The following IRF2 variants were observed in gnomAD, a reference collection of about 807,000 sequenced individuals.
The protein encoded by IRF2 is interferon regulatory factor 2.
A neutral mutation model predicts 40.6 loss-of-function variants in IRF2; 15 were observed. The observed-to-expected ratio is 0.37, with a 90% CI of 0.25 to 0.57. IRF2 has a LOEUF of 0.57. Ranked by LOEUF, IRF2 falls within the 20% of genes least tolerant of loss-of-function variation. The pLI is 0.77. For missense variants in IRF2, 317 were observed against 455.7 expected (o/e 0.70, Z 2.77); for synonymous variants, 151 against 165.5 (o/e 0.91, Z 0.67).
intron 1 of IRF2, among the ~76,000 whole-genome samples, chr4:184,456,509 G>T (rs966549323): frequency 6.6e-6 from 1 of 152,260 alleles, no homozygotes; most frequent in African/African-American, 2.4e-5. Flanking sequence ...TTTCCCTGAA[G>T]CTGCGAGTTC....
intron 1 of IRF2, among the ~76,000 whole-genome samples, chr4:184,433,204 C>T (rs897358082): frequency 2.0e-5 from 3 of 152,164 alleles, no homozygotes; most frequent in Non-Finnish European, 2.9e-5. Flanking sequence ...TGAAATCCAG[C>T]GCTTCGCCAA....
intron 1 of IRF2, among the ~76,000 whole-genome samples, chr4:184,456,172 C>T (rs1207171806): frequency 6.6e-6 from 1 of 152,186 alleles, no homozygotes; most frequent in Admixed American, 6.5e-5. Flanking sequence ...TCAGACTCAC[C>T]CCCATTAGTT....
At chr4:184,417,059 A>G (rs1737308194) in intron 5 of IRF2, among the ~76,000 whole-genome samples, 1 of 152,168 alleles carries the variant, frequency 6.6e-6, no homozygotes, top group African/African-American at 2.4e-5. Context: ...TTTAAAAAAA[A>G]TTAAATAAAT....
chr4:184,418,455 G>C (rs1209877379), intron 4 of IRF2, 77 bp downstream of exon 4: 4 of 1,327,916 alleles, frequency 3.0e-6, no homozygotes, highest in Admixed American at 1.7e-5. Flanking sequence ...ACTGACTGCA[G>C]ATGTAGAAAT....
intron 7 of IRF2, among the ~76,000 whole-genome samples, chr4:184,395,373 A>C (rs1178700785): frequency 7.6e-6 from 1 of 131,028 alleles, no homozygotes; most frequent in African/African-American, 2.9e-5. Flanking sequence ...AGATCGCACC[A>C]CTGCACTCCA....
chr4:184,409,631 A>G (rs1736998444), intron 5 of IRF2, among the ~76,000 whole-genome samples: 1 of 152,120 alleles, frequency 6.6e-6, no homozygotes, highest in African/African-American at 2.4e-5. Flanking sequence ...ACGGTGGCTC[A>G]CCCTGGAATC....
intron 1 of IRF2, among the ~76,000 whole-genome samples, chr4:184,444,718 T>G (rs926053954): frequency 6.6e-6 from 1 of 152,244 alleles, no homozygotes; most frequent in East Asian, 1.9e-4. Flanking sequence ...ATTTATGTCC[T>G]GGGCAGGAAG....
chr4:184,418,789 T>C, intron 3 of IRF2, 81 bp from the exon 4 acceptor site: 12 of 1,228,986 alleles, frequency 9.8e-6, no homozygotes, highest in Non-Finnish European at 1.4e-5. Context: ...ACAGTATTGC[T>C]GGTCAGGCAG....
intron 5 of IRF2, among the ~76,000 whole-genome samples, chr4:184,416,729 T>TA (rs1737290371): frequency 4.1e-5 from 6 of 144,646 alleles, no homozygotes; most frequent in Admixed American, 6.9e-5. Flanking sequence ...AAAAAATAGT[T>TA]CAAAAAAAAG....
At chr4:184,460,685 GCACA>G (rs1005091630) in intron 1 of IRF2, among the ~76,000 whole-genome samples, 1 of 109,548 alleles carries the variant, frequency 9.1e-6, no homozygotes, top group Non-Finnish European at 2.1e-5. Flanking sequence ...ACACATGCAC[GCACA>G]CACACACATG....
intron 7 of IRF2, among the ~76,000 whole-genome samples, chr4:184,391,122 G>A (rs946213724): frequency 9.8e-5 from 15 of 152,330 alleles, no homozygotes; most frequent in East Asian, 3.9e-4. Flanking sequence ...AGAGTTGACC[G>A]TTTCCAAAAG....
intron 1 of IRF2, among the ~76,000 whole-genome samples, chr4:184,442,565 C>T (rs187848089): frequency 5.9e-5 from 9 of 152,196 alleles, no homozygotes; most frequent in Admixed American, 3.3e-4. Flanking sequence ...AAGACAAACG[C>T]GCCACTATCT....
At chr4:184,463,348 G>A (rs1381360869) in intron 1 of IRF2, among the ~76,000 whole-genome samples, 1 of 152,160 alleles carries the variant, frequency 6.6e-6, no homozygotes, top group African/African-American at 2.4e-5. Flanking sequence ...CAACCAAGAT[G>A]GTAGCCACCA....
intron 3 of IRF2, among the ~76,000 whole-genome samples, 181 bp from the exon 4 acceptor site, chr4:184,418,889 AT>A (rs1287867255): frequency 6.6e-6 from 1 of 152,176 alleles, no homozygotes; most frequent in Non-Finnish European, 1.5e-5. Context: ...GGATGTGGGA[AT>A]TTTGTTTTTA....
chr4:184,423,504 G>A (rs576429083), intron 2 of IRF2, among the ~76,000 whole-genome samples: 3 of 152,234 alleles, frequency 2.0e-5, no homozygotes, highest in Admixed American at 6.5e-5. Context: ...ACTCCTTACC[G>A]TGGTCAGAGA....
intron 7 of IRF2, among the ~76,000 whole-genome samples, chr4:184,391,663 AAG>A (rs1736267895): frequency 1.3e-5 from 2 of 152,236 alleles, no homozygotes; most frequent in African/African-American, 4.8e-5. Context: ...GCAGGTTTGC[AAG>A]ACTCTGCAGC....
chr4:184,391,483 T>C (rs1579786254), intron 7 of IRF2, among the ~76,000 whole-genome samples: 1 of 152,218 alleles, frequency 6.6e-6, no homozygotes, highest in Non-Finnish European at 1.5e-5. Context: ...GGAAGGCTCC[T>C]ATGGCAAAGA....
chr4:184,399,558 A>T (rs527639545), intron 6 of IRF2, among the ~76,000 whole-genome samples: 1 of 152,348 alleles, frequency 6.6e-6, no homozygotes, highest in South Asian at 2.1e-4. Flanking sequence ...GGCCATGAAA[A>T]TCTACCCAAT....
chr4:184,429,130 C>A, intron 1 of IRF2, 60 bp from the exon 2 acceptor site: 1 of 1,266,840 alleles, frequency 7.9e-7, no homozygotes, highest in Non-Finnish European at 1.1e-6. Context: ...GTCTGCACTG[C>A]AGAGTTCTAC....
Sources: gnomAD v4.1 joint callset for allele counts (sites outside exome capture counted in the v4.1 genomes callset) on GRCh38, gnomAD v4.1.1 for gene constraint, MANE v1.5 for transcripts, NCBI Gene and HGNC (gene_info 2026-07-23, HGNC 2026-07-21) for gene names.